The following CNOT11 variants were observed in gnomAD, a reference collection of about 807,000 sequenced individuals.
CNOT11 encodes the protein UPF0760 protein C2orf29.
In CNOT11, 18 loss-of-function variants were observed where a neutral mutation model predicts 44.6. The ratio of observed to expected loss-of-function variants is 0.40; its 90% CI spans 0.28 to 0.60. The LOEUF is 0.60. CNOT11 is among the 20% of genes least tolerant of loss of function. CNOT11 has a pLI of 0.38. For missense variants in CNOT11, 513 were observed against 677.0 expected (o/e 0.76, Z 2.69); for synonymous variants, 291 against 270.9 (o/e 1.07, Z -0.73).
At chr2:101,254,198 A>C (rs958867245) in intron 1 of CNOT11, among the ~76,000 whole-genome samples, 1 of 152,188 alleles carries the variant, frequency 6.6e-6, no homozygotes, top group Non-Finnish European at 1.5e-5. Flanking sequence ...TGCAGTCAGA[A>C]AACAAGAAAA....
rs891270782 is a variant in CNOT11 at position 101,264,636 on chromosome 2, T to C, written c.833-209T>C. Among the ~76,000 whole-genome samples, 5 of 152,338 alleles carry C rather than the reference T, an allele frequency of 3.3e-5. No homozygotes were observed. In the East Asian group the frequency reaches 9.6e-4, roughly 29 times the overall value. ...AATAGATTGTTCTCTGGCATCATGCTGGCATAGTGTTCTTTCATTGTCTTG... is the reference window on the plus strand; with the variant it reads ...AATAGATTGTTCTCTGGCATCATGCCGGCATAGTGTTCTTTCATTGTCTTG... On this transcript the variant is annotated intron_variant, in intron 3 of 6. Coordinates refer to ENST00000289382, the MANE Select transcript of CNOT11 (RefSeq NM_017546.5).
chr2:101,252,909 A>AGCGAGCCGGC lies in CNOT11; in HGVS notation c.-53_-44dup. On this transcript the variant is annotated 5_prime_UTR_variant, in exon 1 of 7. Transcript: ENST00000289382. ...GCGCGCTTTACGGCCGCGGGGACGGAGCGAGCCGGCGCCAGGGCCCCTCGG... is the reference window on the plus strand; with the variant it reads ...GCGCGCTTTACGGCCGCGGGGACGGAGCGAGCCGGCGCGAGCCGGCGCCAGGGCCCCTCGG... The AGCGAGCCGGC allele has an allele frequency of 7.3e-7, 1 of 1,379,286 alleles. No individual in the cohort carries two copies. Among genetic ancestry groups the AGCGAGCCGGC allele is most frequent in the Non-Finnish European group, 9.3e-7 (1 of 1,074,254 alleles). The allele number at this position is 1,379,286 out of a possible 1,614,324, so 85.4% of individuals were successfully genotyped here.
chr2:101,266,878 CG>C lies in CNOT11; in HGVS notation c.1238+1del. 6.2e-7 allele frequency: 1 copy of C among 1,608,304 alleles called. No individual in the cohort carries two copies. The highest frequency in any genetic ancestry group is 8.5e-7 in the Non-Finnish European group (1 of 1,174,928). ...MSLHSMEVVN[R>X]LTTAVDLPPE... Reference sequence around the variant, plus strand: ...TTTACATTCAATGGAAGTTGTAAATCGGTAAGTTTCTAGATTTGATCAAATG... The same window carrying C: ...TTTACATTCAATGGAAGTTGTAAATCGTAAGTTTCTAGATTTGATCAAATG... On this transcript the variant is annotated frameshift_variant and splice_region_variant, in exon 5 of 7. Transcript: ENST00000289382. LOFTEE classifies it high-confidence loss of function.
intron 1 of CNOT11, among the ~76,000 whole-genome samples, chr2:101,255,262 G>A (rs562004264): frequency 9.3e-4 from 141 of 151,964 alleles, no homozygotes; most frequent in Non-Finnish European, 1.7e-3. Flanking sequence ...TTGGGAGGCC[G>A]AGGCGGGCGG....
At chr2:101,265,124 A>C (rs914394260) in intron 4 of CNOT11, 77 bp downstream of exon 4, 10 of 1,038,884 alleles carry the variant, frequency 9.6e-6, no homozygotes, top group African/African-American at 3.2e-5. Flanking sequence ...TTTTTGAGAC[A>C]GAGTCTCACT....
Position 101,253,133 on chromosome 2 carries a change from C to G in CNOT11, c.169C>G (p.Pro57Ala), listed in dbSNP as rs761872730. Residue 57 changes from proline (P) to alanine (A), a missense_variant, in exon 1 of 7, where the codon CCC (proline) becomes GCC (alanine). Physicochemically the swap from Pro to Ala is conservative, Grantham distance 27 (BLOSUM62 -1). Coordinates refer to ENST00000289382, the MANE Select transcript of CNOT11 (RefSeq NM_017546.5). This position sits in a 1 kb window ranked among gnomAD's most constrained non-coding sequence, Gnocchi z 4.3. ...PGSGSGGPGG[P>A]AGRMSLTPKE... is the part of the protein sequence containing the mutation. ...GTCCGGGAGCGGAGGCCCGGGGGGC[C>G]CCGCGGGCAGGATGAGCTTGACCCC... 1 of 1,549,296 alleles carries G rather than the reference C, an allele frequency of 6.5e-7. No individual in the cohort carries two copies. Among genetic ancestry groups the G allele is most frequent in the Non-Finnish European group, 8.7e-7 (1 of 1,155,146 alleles).
intron 1 of CNOT11, 24 bp from the exon 2 acceptor site, chr2:101,257,767 A>T: frequency 6.3e-7 from 1 of 1,590,538 alleles, no homozygotes. Flanking sequence ...CATTGGAGAA[A>T]TCGTTATACA....
chr2:101,259,311 G>A (rs535610832), intron 2 of CNOT11, among the ~76,000 whole-genome samples: 9 of 152,288 alleles, frequency 5.9e-5, no homozygotes, highest in East Asian at 1.9e-4. Context: ...TTTTGAAATC[G>A]GGAGGTATGA....
In CNOT11 at chr2:101,267,153, C is replaced by T. The variant is rs376529556; in HGVS notation, c.1238+274C>T. Reference sequence around the variant, plus strand: ...TATTTATTTTTTTGAGAGGGAGTCTCACTCTGTTGCCCAGGCTAGAGTGCA... The same window carrying T: ...TATTTATTTTTTTGAGAGGGAGTCTTACTCTGTTGCCCAGGCTAGAGTGCA... On this transcript the variant is annotated intron_variant, in intron 5 of 6. Transcript: ENST00000289382. Among the ~76,000 whole-genome samples, 312 of 152,202 alleles carry T rather than the reference C, an allele frequency of 2.0e-3. 1 individual carries two copies. The highest frequency in any genetic ancestry group is 6.2e-3 in the African/African-American group (259 of 41,510).
At chr2:101,260,870 T>G (rs1343105961) in intron 2 of CNOT11, among the ~76,000 whole-genome samples, 8 of 152,160 alleles carry the variant, frequency 5.3e-5, no homozygotes, top group Non-Finnish European at 7.4e-5. Context: ...TTATCTAACT[T>G]TTTGTACTTC....
intron 3 of CNOT11, 141 bp downstream of exon 3, chr2:101,262,832 G>C: frequency 1.5e-6 from 1 of 679,886 alleles, no homozygotes; most frequent in Non-Finnish European, 2.5e-6. Flanking sequence ...AGTGTAGTGA[G>C]TGTCTAGAAC....
At chr2:101,255,992 A>G (rs1681728631) in intron 1 of CNOT11, among the ~76,000 whole-genome samples, 1 of 152,118 alleles carries the variant, frequency 6.6e-6, no homozygotes, top group Admixed American at 6.5e-5. Context: ...TACAAAAATT[A>G]GCCCGGCATG....
At chr2:101,264,315 C>T (rs919168480) in intron 3 of CNOT11, among the ~76,000 whole-genome samples, 17 of 152,200 alleles carry the variant, frequency 1.1e-4, no homozygotes, top group South Asian at 2.1e-4. Context: ...GGATTCGTGA[C>T]GGTTTCCACA....
At chr2:101,262,750 G>A (rs77432363) in intron 3 of CNOT11, 59 bp downstream of exon 3, 1 of 1,409,958 alleles carries the variant, frequency 7.1e-7, no homozygotes, top group Non-Finnish European at 9.8e-7. Flanking sequence ...GGATCCTCTA[G>A]GACTTTTCAG....
chr2:101,257,557 G>A (rs2104362305), intron 1 of CNOT11, among the ~76,000 whole-genome samples: 1 of 152,178 alleles, frequency 6.6e-6, no homozygotes, highest in East Asian at 1.9e-4. Context: ...AACTCTTACA[G>A]TTAACAAGTA....
chr2:101,260,682 G>A (rs1681835144), intron 2 of CNOT11, among the ~76,000 whole-genome samples: 2 of 152,100 alleles, frequency 1.3e-5, no homozygotes, highest in African/African-American at 4.8e-5. Flanking sequence ...AAAACAAGTA[G>A]ACAAGTTAAA....
chr2:101,259,328 C>G (rs951120340), intron 2 of CNOT11, among the ~76,000 whole-genome samples: 1 of 152,186 alleles, frequency 6.6e-6, no homozygotes, highest in Non-Finnish European at 1.5e-5. Context: ...ATGAGACTTT[C>G]AACTTTGTTC....
intron 4 of CNOT11, among the ~76,000 whole-genome samples, chr2:101,266,451 A>C (rs2104369767): frequency 6.6e-6 from 1 of 152,336 alleles, no homozygotes; most frequent in Non-Finnish European, 1.5e-5. Context: ...CATATTTATA[A>C]ACTGTCTTAG....
chr2:101,266,991 TAAAG>T (rs1682003308), intron 5 of CNOT11, 112 bp downstream of exon 5: 9 of 730,248 alleles, frequency 1.2e-5, no homozygotes, highest in Admixed American at 2.4e-5. Flanking sequence ...GATTAACTAT[TAAAG>T]AAATAATGTA....
Sources: allele counts gnomAD v4.1 joint callset (sites outside exome capture counted in the v4.1 genomes callset), GRCh38; gene constraint gnomAD v4.1.1; non-coding constraint Gnocchi (gnomAD v3.1); transcripts MANE v1.5; gene names NCBI Gene and HGNC (gene_info 2026-07-23, HGNC 2026-07-21).